The following MYO3B variants were observed in gnomAD, a reference collection of about 807,000 sequenced individuals.
MYO3B encodes myosin-IIIb.
Under a neutral mutation model 174.6 loss-of-function variants are expected in MYO3B, and 156 were observed. That is an observed-to-expected ratio of 0.89 (90% CI 0.78 to 1.02). MYO3B has a LOEUF of 1.02. MYO3B is among the 50% of genes least tolerant of loss of function. The pLI is 0.00. For missense variants in MYO3B, 1,632 were observed against 1,639.4 expected (o/e 1.00, Z 0.08); for synonymous variants, 563 against 569.1 (o/e 0.99, Z 0.15).
chr2:170,227,217 A>T (rs551235781), intron 6 of MYO3B, among the ~76,000 whole-genome samples: 1 of 152,300 alleles, frequency 6.6e-6, no homozygotes, highest in South Asian at 2.1e-4. Flanking sequence ...TGAAATAGGA[A>T]CAAGTAGAGG....
intron 32 of MYO3B, among the ~76,000 whole-genome samples, chr2:170,635,946 G>A (rs905209103): frequency 1.8e-4 from 28 of 152,292 alleles, no homozygotes; most frequent in Middle Eastern, 3.4e-3. Flanking sequence ...GCTTGTTTTA[G>A]AATTATTTAA....
chr2:170,380,503 G>A (rs535300187), intron 9 of MYO3B, among the ~76,000 whole-genome samples: 5 of 152,150 alleles, frequency 3.3e-5, no homozygotes, highest in East Asian at 1.9e-4. Flanking sequence ...CACATTGCTC[G>A]CAACTCTGAA....
At chr2:170,414,609 C>A (rs1574943528) in intron 22 of MYO3B, among the ~76,000 whole-genome samples, 1 of 152,176 alleles carries the variant, frequency 6.6e-6, no homozygotes, top group South Asian at 2.1e-4. Context: ...TTGTCTATAT[C>A]TATAAAAAGT....
chr2:170,377,677 ACT>A (rs1174104386), intron 9 of MYO3B, among the ~76,000 whole-genome samples: 1 of 152,100 alleles, frequency 6.6e-6, no homozygotes, highest in Non-Finnish European at 1.5e-5. Context: ...CAACTCGCAA[ACT>A]CTGTTTGTCT....
intron 25 of MYO3B, among the ~76,000 whole-genome samples, chr2:170,474,743 C>CAAAAAAAAAAAAAAA (rs55913448): frequency 2.7e-5 from 1 of 37,592 alleles, no homozygotes; most frequent in Non-Finnish European, 5.1e-5. Flanking sequence ...AACTCCGTCT[C>CAAAAAAAAAAAAAAA]AAAAAAAAAA....
intron 16 of MYO3B, among the ~76,000 whole-genome samples, chr2:170,398,348 C>T (rs2094453501): frequency 6.6e-6 from 1 of 152,118 alleles, no homozygotes; most frequent in African/African-American, 2.4e-5. Flanking sequence ...ACACCACTCT[C>T]CCAGCACCCA....
intron 7 of MYO3B, among the ~76,000 whole-genome samples, chr2:170,255,788 T>A (rs867176756): frequency 2.0e-5 from 3 of 152,170 alleles, no homozygotes; most frequent in Non-Finnish European, 4.4e-5. Context: ...TCCGCAGCAA[T>A]AGATCCTCAC....
At position 170,511,419 on chromosome 2, in the gene MYO3B, C is replaced by A. The variant is rs565752827; in HGVS notation, c.3371-3502C>A. Among the ~76,000 whole-genome samples, 91 of 152,248 alleles carry A rather than the reference C, an allele frequency of 6.0e-4. 2 individuals are homozygous for A. The South Asian group carries it at 0.012, about 19-fold the overall frequency. On this transcript the variant is annotated intron_variant, in intron 28 of 34. Coordinates refer to ENST00000408978, the MANE Select transcript of MYO3B (RefSeq NM_138995.5). ...TATAGTAAAGTAAATAACTTTGCTT[C>A]ACAGGAAACCAGAACTGTAGGAGCA...
At chr2:170,400,400 T>TC in intron 17 of MYO3B, 86 bp downstream of exon 17, 3 of 1,272,144 alleles carry the variant, frequency 2.4e-6, no homozygotes, top group Non-Finnish European at 2.1e-6. Context: ...CATTTGCTGG[T>TC]CCTTTTTTTT....
intron 6 of MYO3B, 68 bp downstream of exon 6, chr2:170,217,463 G>T (rs964702474): frequency 7.5e-7 from 1 of 1,330,898 alleles, no homozygotes; most frequent in African/African-American, 1.4e-5. Context: ...CTTTTTATGG[G>T]TAAGTCATAT....
intron 22 of MYO3B, among the ~76,000 whole-genome samples, chr2:170,411,495 G>A (rs148723318): frequency 0.013 from 1,923 of 152,184 alleles, 58 homozygotes; most frequent in African/African-American, 0.044. Context: ...CATAGAAAAG[G>A]TACAGTACAA....
intron 22 of MYO3B, among the ~76,000 whole-genome samples, chr2:170,423,931 T>C (rs1030254918): frequency 6.6e-6 from 1 of 152,202 alleles, no homozygotes; most frequent in Non-Finnish European, 1.5e-5. Context: ...GAGATAGAAG[T>C]GTTCCATATT....
At chr2:170,481,383 G>A (rs901197619) in intron 25 of MYO3B, among the ~76,000 whole-genome samples, 5 of 152,076 alleles carry the variant, frequency 3.3e-5, no homozygotes, top group Non-Finnish European at 7.4e-5. Flanking sequence ...CCAGTCATTC[G>A]AGACCTGCCT....
At chr2:170,444,189 A>G (rs2094823698) in intron 23 of MYO3B, 143 bp downstream of exon 23, 2 of 549,252 alleles carry the variant, frequency 3.6e-6, no homozygotes, top group Non-Finnish European at 6.3e-6. Context: ...GCATTTAGGA[A>G]ATCAGGGGTT....
chr2:170,400,140 G>A (rs759730581), intron 16 of MYO3B, 48 bp from the exon 17 acceptor site: 2 of 1,612,566 alleles, frequency 1.2e-6, no homozygotes, highest in Non-Finnish European at 1.7e-6. Context: ...TGGTTCATTA[G>A]TTTGACTGGC....
intron 7 of MYO3B, among the ~76,000 whole-genome samples, chr2:170,295,382 A>C (rs926608040): frequency 1.3e-5 from 2 of 150,478 alleles, no homozygotes; most frequent in African/African-American, 4.9e-5. Flanking sequence ...CTTTTCCCCC[A>C]TCTATCATTT....
intron 7 of MYO3B, among the ~76,000 whole-genome samples, chr2:170,248,317 C>G (rs1180067907): frequency 6.6e-6 from 1 of 152,276 alleles, no homozygotes; most frequent in Non-Finnish European, 1.5e-5. Context: ...TCCTATCTGC[C>G]TGATAATACT....
chr2:170,430,470 C>T (rs1016475007), intron 22 of MYO3B, among the ~76,000 whole-genome samples: 5 of 148,970 alleles, frequency 3.4e-5, no homozygotes, highest in East Asian at 2.0e-4. Context: ...CTCCTGGGTT[C>T]GAGGGATTCT....
At chr2:170,471,464 C>G (rs950382298) in intron 25 of MYO3B, among the ~76,000 whole-genome samples, 2 of 152,108 alleles carry the variant, frequency 1.3e-5, no homozygotes, top group African/African-American at 4.8e-5. Context: ...ACCTAAGAAG[C>G]TATCATCTAA....
Sources: gnomAD v4.1 joint callset for allele counts (sites outside exome capture counted in the v4.1 genomes callset) on GRCh38, gnomAD v4.1.1 for gene constraint, MANE v1.5 for transcripts, NCBI Gene and HGNC (gene_info 2026-07-23, HGNC 2026-07-21) for gene names.